Variants in WARS1 observed in about 807,000 individuals in gnomAD.
The protein encoded by WARS1 is tryptophanyl-tRNA synthetase 1.
In WARS1, 17 loss-of-function variants were observed where a neutral mutation model predicts 47.8. That is an observed-to-expected ratio of 0.36 (90% CI 0.24 to 0.53). The LOEUF (loss-of-function observed/expected upper bound fraction) is 0.53. WARS1 is among the 20% of genes least tolerant of loss of function. The pLI is 0.91. For synonymous variants in WARS1, 208 were observed against 228.1 expected (o/e 0.91, Z 0.79); for missense variants, 434 against 608.0 (o/e 0.71, Z 3.01).
rs533190592 is a variant in WARS1, at chr14:100,349,300, T to G, written c.726-2454A>C. Among the ~76,000 whole-genome samples, 4 of 152,330 alleles carry G rather than the reference T, an allele frequency of 2.6e-5. No individual in the cohort carries two copies. The East Asian group carries it at 7.7e-4, about 29-fold the overall frequency. ...ACCATAGAACTTATTATCACCTGAT[T>G]GATCACCTGTTAGCTGATTCTCCCC... On this transcript the variant is annotated intron_variant, in intron 6 of 10. Transcript: ENST00000392882.
chr14:100,339,352 G>A (rs1239319093), intron 9 of WARS1, among the ~76,000 whole-genome samples: 1 of 152,192 alleles, frequency 6.6e-6, no homozygotes, highest in Non-Finnish European at 1.5e-5. Context: ...AGCACTTTGG[G>A]AGGCCAAGGC....
rs926230235 is a variant in WARS1, at chr14:100,336,004, C to T, written c.1255-968G>A. On this transcript the variant is annotated intron_variant, in intron 10 of 10. Coordinates refer to ENST00000392882, the MANE Select transcript of WARS1 (RefSeq NM_004184.4). The stretch of plus-strand genomic sequence containing the variant: ...AAGAAATGAGGGTCTTGGCTGGACG[C>T]GGTGGTCACAGCTGTAATCCAAGCA... Among the ~76,000 whole-genome samples the T allele has an allele frequency of 8.6e-5, 13 of 151,452 alleles. 1 individual carries two copies. Among genetic ancestry groups the T allele is most frequent in the African/African-American group, 3.2e-4 (13 of 41,206 alleles).
At chr14:100,346,571 G>A (rs1320609309) in intron 7 of WARS1, among the ~76,000 whole-genome samples, 175 bp downstream of exon 7, 5 of 152,184 alleles carry the variant, frequency 3.3e-5, no homozygotes, top group African/African-American at 1.2e-4. Context: ...CATTACACTA[G>A]CTAGTCAGAT....
chr14:100,362,955 C>T (rs1053590244), intron 2 of WARS1, among the ~76,000 whole-genome samples: 2 of 152,150 alleles, frequency 1.3e-5, no homozygotes, highest in African/African-American at 4.8e-5. Context: ...ACAAAATTAT[C>T]TGAGACTCAT....
intron 5 of WARS1, 90 bp from the exon 6 acceptor site, chr14:100,353,959 A>C: frequency 8.2e-7 from 1 of 1,223,630 alleles, no homozygotes; most frequent in Non-Finnish European, 1.1e-6. Context: ...CCTACTTACA[A>C]CGTATGTTAA....
intron 4 of WARS1, among the ~76,000 whole-genome samples, chr14:100,360,168 G>C (rs1213733482): frequency 6.6e-6 from 1 of 151,850 alleles, no homozygotes; most frequent in Non-Finnish European, 1.5e-5. Flanking sequence ...CAATACAATA[G>C]GAGGAAGAGG....
intron 7 of WARS1, among the ~76,000 whole-genome samples, chr14:100,346,153 T>C (rs1894605708): frequency 7.2e-6 from 1 of 139,254 alleles, no homozygotes; most frequent in Admixed American, 7.0e-5. Flanking sequence ...CCAATGCATC[T>C]GAAAGACACA....
At chr14:100,354,641 T>C in intron 4 of WARS1, 75 bp from the exon 5 acceptor site, 1 of 1,508,370 alleles carries the variant, frequency 6.6e-7, no homozygotes, top group Non-Finnish European at 9.0e-7. Context: ...CTTTTGGAAA[T>C]GGAAAATATA....
chr14:100,353,932 C>A, intron 5 of WARS1, 63 bp from the exon 6 acceptor site: 1 of 1,467,824 alleles, frequency 6.8e-7, no homozygotes, highest in Non-Finnish European at 9.3e-7. Flanking sequence ...CGCCATCGTG[C>A]ATCTGAAAAC....
Position 100,346,887 on chromosome 14 carries a change from C to T in WARS1, c.726-41G>A, listed in dbSNP as rs2234525. ...GAATGAAATCCCAAACGGAGGGCGG[C>T]CTTCACTGAAGGCAAAGTCACAGTT... On this transcript the variant is annotated intron_variant, in intron 6 of 10. Transcript: ENST00000392882. The T allele has an allele frequency of 8.0e-3, 12,555 of 1,570,970 alleles. 103 individuals are homozygous for T. The highest frequency in any genetic ancestry group is 0.034 in the African/African-American group (2,502 of 74,272).
chr14:100,354,554 C>A lies in WARS1; in HGVS notation c.435G>T (p.Gln145His), dbSNP rs1197465536. The A allele has an allele frequency of 2.5e-6, 4 of 1,611,774 alleles. No homozygotes were observed. The highest frequency in any genetic ancestry group is 3.4e-6 in the Non-Finnish European group (4 of 1,179,250). ...TCTTATTTTCATAGGCATCAAGAACCTGATTCATATCTCTAAAGGAAAAAG... is the reference window on the plus strand; with the variant it reads ...TCTTATTTTCATAGGCATCAAGAACATGATTCATATCTCTAAAGGAAAAAG... Reference protein sequence around the residue: ...GIFFSHRDMNQVLDAYENKKP... With the variant: ...GIFFSHRDMNHVLDAYENKKP... The change falls in exon 5 of 11, where the codon CAG becomes CAT. Residue 145 changes from glutamine to histidine, a missense_variant. Gln to His is a conservative substitution (Grantham distance 24). Around this residue, in one of 2 missense-constraint regions of WARS1, gnomAD observed 347 missense variants for 523.8 expected, o/e 0.66. Transcript: ENST00000392882.
Position 100,343,376 on chromosome 14 carries a change from A to G in WARS1, c.838T>C (p.Phe280Leu). The G allele has an allele frequency of 6.2e-7, 1 of 1,612,412 alleles. No homozygotes were observed. Among genetic ancestry groups the G allele is most frequent in the Non-Finnish European group, 8.5e-7 (1 of 1,178,966 alleles). Residue 280 changes from phenylalanine (F) to leucine (L), a missense_variant, in exon 8 of 11, where the codon TTT becomes CTT. Phe to Leu is a conservative substitution (Grantham distance 22). Coordinates refer to ENST00000392882, the MANE Select transcript of WARS1 (RefSeq NM_004184.4). ...GAGGGAGCAGCCTGGATGGCAGGAAAACTGATCTTCCCTGAAAATGAGAAA... is the reference window on the plus strand; with the variant it reads ...GAGGGAGCAGCCTGGATGGCAGGAAGACTGATCTTCCCTGAAAATGAGAAA... ...TDSDCIGKIS[F>L]PAIQAAPSFS... is the part of the protein sequence containing the mutation.
rs780646240 is a variant in WARS1 at position 100,360,604 on chromosome 14, G to A, written c.372C>T (p.Thr124=). Residue 124 remains threonine, a synonymous_variant, in exon 4 of 11, where the codon ACC becomes ACT. Coordinates refer to ENST00000392882, the MANE Select transcript of WARS1 (RefSeq NM_004184.4). Reference sequence around the variant, plus strand: ...GCAGGAAGTGGTGTGGTCTTTGGCCGGTGGCTCTCTCTATTCGGTTTATTA... The same window carrying A: ...GCAGGAAGTGGTGTGGTCTTTGGCCAGTGGCTCTCTCTATTCGGTTTATTA... ...KELINRIERA[T]GQRPHHFLRR... is the part of the protein sequence containing the mutation. 10 of 1,613,488 alleles carry A rather than the reference G, an allele frequency of 6.2e-6. No homozygotes were observed. Among genetic ancestry groups the A allele is most frequent in the African/African-American group, 2.7e-5 (2 of 74,900 alleles).
intron 4 of WARS1, among the ~76,000 whole-genome samples, 181 bp from the exon 5 acceptor site, chr14:100,354,747 T>C (rs982162264): frequency 4.6e-5 from 7 of 152,220 alleles, no homozygotes; most frequent in African/African-American, 1.7e-4. Context: ...AAATGGTTTC[T>C]CCTGTGAGTG....
intron 6 of WARS1, 77 bp from the exon 7 acceptor site, chr14:100,346,923 G>C (rs1894659488): frequency 3.8e-6 from 5 of 1,320,770 alleles, no homozygotes; most frequent in Non-Finnish European, 5.4e-6. Context: ...ATTAAAATTG[G>C]ATGCCAATGA....
chr14:100,340,158 G>A (rs899600968), intron 9 of WARS1: 4 of 152,220 alleles, frequency 2.6e-5, no homozygotes, highest in African/African-American at 7.2e-5. Context: ...CAGGCTTCTG[G>A]GTGGAGCTCG....
At chr14:100,337,228 G>A (rs1428258368) in intron 9 of WARS1, 26 bp from the exon 10 acceptor site, 25 of 1,610,658 alleles carry the variant, frequency 1.6e-5, no homozygotes, top group Non-Finnish European at 2.0e-5. Context: ...ACACAGACAC[G>A]CTCCTCAGTC....
chr14:100,371,447 C>CACAAAAAAAAAA (rs1896339902), intron 1 of WARS1, among the ~76,000 whole-genome samples: 1 of 89,102 alleles, frequency 1.1e-5, no homozygotes, highest in Non-Finnish European at 2.9e-5. Flanking sequence ...GGTTCTGTCT[C>CACAAAAAAAAAA]AAAAAAAAAA....
upstream of WARS1, chr14:100,376,216 C>T (rs984007607): frequency 3.0e-6 from 1 of 336,728 alleles, no homozygotes; most frequent in East Asian, 5.5e-5. Flanking sequence ...ATCACTCCCT[C>T]CCTTGTTTCC....
Sources: allele counts gnomAD v4.1 joint callset (sites outside exome capture counted in the v4.1 genomes callset), GRCh38; gene constraint gnomAD v4.1.1; regional missense constraint gnomAD v4.1.1; transcripts MANE v1.5; gene names NCBI Gene and HGNC (gene_info 2026-07-23, HGNC 2026-07-21).